Variants in PSD observed in about 807,000 individuals in gnomAD.
PSD encodes the protein pleckstrin and Sec7 domain containing, also known as PH and SEC7 domain-containing protein 1.
A neutral mutation model predicts 91.6 loss-of-function variants in PSD; 32 were observed. That is an observed-to-expected ratio of 0.35 (90% CI 0.26 to 0.47). The LOEUF (loss-of-function observed/expected upper bound fraction) is 0.47. PSD is among the 20% of genes least tolerant of loss of function. The pLI, the probability that PSD is intolerant of heterozygous loss-of-function variation, is 1.00. For synonymous variants in PSD, 532 were observed against 569.3 expected (o/e 0.93, Z 0.93); for missense variants, 1,099 against 1,373.9 (o/e 0.80, Z 3.16).
chr10:102,415,768 T>A (rs896826078), intron 3 of PSD, among the ~76,000 whole-genome samples: 5 of 152,204 alleles, frequency 3.3e-5, no homozygotes, highest in Non-Finnish European at 7.3e-5. Context: ...TTCTACTCCA[T>A]GGAATGCCCC....
chr10:102,405,147 C>T lies in PSD; in HGVS notation c.2397+36G>A. ...ATCACCCCACACCCACCAGCCAACT[C>T]AGTCCCAGCCCCAGCCCCCTGGCCT... On this transcript the variant is annotated intron_variant, in intron 13 of 16. Transcript: ENST00000020673. This position sits in a 1 kb window ranked among gnomAD's most constrained non-coding sequence, Gnocchi z 5.4. 1 of 1,610,636 alleles carries T rather than the reference C, an allele frequency of 6.2e-7. No individual in the cohort carries two copies. The highest frequency in any genetic ancestry group is 8.5e-7 in the Non-Finnish European group (1 of 1,179,426).
In PSD at chr10:102,409,019, C is replaced by A; in HGVS notation, c.2092-1753G>T. 1.0e-6 allele frequency: 1 copy of A among 986,906 alleles called. No homozygotes were observed. The highest frequency in any genetic ancestry group is 4.7e-5 in the South Asian group (1 of 21,350). 61.1% of individuals were successfully genotyped at this position (986,906 alleles called of 1,614,324 possible). On this transcript the variant is annotated intron_variant, in intron 10 of 16. Transcript: ENST00000020673. This position sits in a 1 kb window ranked among gnomAD's most constrained non-coding sequence, Gnocchi z 5.7. ...GGTCTCCGCGCCGCGGTGGGTGCGCCCGTAGCGCACGGAGCACAGCGAGCG... is the reference window on the plus strand; with the variant it reads ...GGTCTCCGCGCCGCGGTGGGTGCGCACGTAGCGCACGGAGCACAGCGAGCG...
At position 102,414,229 on chromosome 10, in the gene PSD, G is replaced by A. The variant is rs1380027150; in HGVS notation, c.1125-32C>T. 6.4e-7 allele frequency: 1 copy of A among 1,558,086 alleles called. No individual in the cohort carries two copies. The highest frequency in any genetic ancestry group is 8.7e-7 in the Non-Finnish European group (1 of 1,146,698). ...GGGCAGGGAGAATCTCTGATTAGGGGCCCAGATCACAGGGCTGGGGCAGGA... is the reference window on the plus strand; with the variant it reads ...GGGCAGGGAGAATCTCTGATTAGGGACCCAGATCACAGGGCTGGGGCAGGA... On this transcript the variant is annotated intron_variant, in intron 4 of 16. Coordinates refer to ENST00000020673, the MANE Select transcript of PSD (RefSeq NM_002779.5). The surrounding 1 kb of genome is among the most constrained non-coding windows in gnomAD (Gnocchi z 5.6).
In PSD at chr10:102,414,679, C is replaced by T. The variant is rs1428705699; in HGVS notation, c.1124+184G>A. ...GCTAGAACCCCTGGCCTCTTTGCTC[C>T]CCACATCCCCAGTGTTCTGCCAAGC... On this transcript the variant is annotated intron_variant, in intron 4 of 16. Coordinates refer to ENST00000020673, the MANE Select transcript of PSD (RefSeq NM_002779.5). The surrounding 1 kb of genome is among the most constrained non-coding windows in gnomAD (Gnocchi z 5.6). Among the ~76,000 whole-genome samples the T allele has an allele frequency of 2.0e-5, 3 of 152,190 alleles. No homozygotes were observed. The highest frequency in any genetic ancestry group is 1.9e-4 in the East Asian group (1 of 5,196).
intron 7 of PSD, 29 bp from the exon 8 acceptor site, chr10:102,411,848 A>AG: frequency 6.6e-7 from 1 of 1,512,300 alleles, no homozygotes; most frequent in Non-Finnish European, 9.1e-7. Flanking sequence ...AGGGTTGCCT[A>AG]GCAACCAGGA....
At chr10:102,408,983 C>A in intron 10 of PSD, 1 of 987,412 alleles carries the variant, frequency 1.0e-6, no homozygotes, top group East Asian at 1.1e-4. Flanking sequence ...CTGCGGCCAG[C>A]CGTAGCACAG....
At chr10:102,419,105 C>T (rs2061524348), upstream of PSD, 5 of 286,336 alleles carry the variant, frequency 1.7e-5, no homozygotes, top group South Asian at 1.2e-4. The surrounding 1 kb of genome is among the most constrained non-coding windows in gnomAD (Gnocchi z 4.8). Context: ...CTCCAGACCC[C>T]ACGCGTGTCC....
chr10:102,405,596 C>G lies in PSD; in HGVS notation c.2136-60G>C. 1 of 1,502,064 alleles carries G rather than the reference C, an allele frequency of 6.7e-7. No individual in the cohort carries two copies. The highest frequency in any genetic ancestry group is 2.0e-5 in the Admixed American group (1 of 50,758). The allele number at this position is 1,502,064 out of a possible 1,614,324, so 93.0% of individuals were successfully genotyped here. A position where few individuals can be genotyped will look rare whatever the true frequency, so the allele number is the denominator to read the frequency against. ...TGGAGCCGCGGCCCCCGCTTCAGTT[C>G]TGGCCTCTGCTCGCCCTGGAAAAGC... On this transcript the variant is annotated intron_variant, in intron 11 of 16. Coordinates refer to ENST00000020673, the MANE Select transcript of PSD (RefSeq NM_002779.5). This position sits in a 1 kb window ranked among gnomAD's most constrained non-coding sequence, Gnocchi z 5.4.
rs1490954688 is a variant in PSD, at chr10:102,410,219, C to T, written c.2091+639G>A. On this transcript the variant is annotated intron_variant, in intron 10 of 16. Transcript: ENST00000020673. The surrounding 1 kb of genome is among the most constrained non-coding windows in gnomAD (Gnocchi z 6.0). ...CAGATCAGGGAGAGGAGTGAACCCA[C>T]TGGATGAGCCACTCCCTTCTCCTAC... 6.6e-6 allele frequency among the ~76,000 whole-genome samples: 1 copy of T among 152,206 alleles called. No homozygotes were observed. The highest frequency in any genetic ancestry group is 1.5e-5 in the Non-Finnish European group (1 of 68,040).
chr10:102,412,713 G>A, intron 5 of PSD, 138 bp from the exon 6 acceptor site: 3 of 741,778 alleles, frequency 4.0e-6, no homozygotes, highest in Non-Finnish European at 6.4e-6. Context: ...CTTTTTTCCA[G>A]GGAAGGAGAT....
Position 102,407,969 on chromosome 10 carries a change from G to A in PSD, c.2092-703C>T, listed in dbSNP as rs566598790. Among the ~76,000 whole-genome samples the A allele has an allele frequency of 4.6e-5, 7 of 152,314 alleles. No individual in the cohort carries two copies. In the South Asian group the frequency reaches 1.0e-3, roughly 23 times the overall value. On this transcript the variant is annotated intron_variant, in intron 10 of 16. Transcript: ENST00000020673. The stretch of plus-strand genomic sequence containing the variant: ...TCCCTGCATAGCCCAAACTCTGTGC[G>A]ATGTGAACCAGCCACTTCCCCTCTG...
rs1320493265 is a variant in PSD, at chr10:102,414,217, C to T, written c.1125-20G>A. 6.3e-7 allele frequency: 1 copy of T among 1,583,780 alleles called. No homozygotes were observed. Among genetic ancestry groups the T allele is most frequent in the South Asian group, 1.1e-5 (1 of 87,940 alleles). On this transcript the variant is annotated intron_variant, in intron 4 of 16. Coordinates refer to ENST00000020673, the MANE Select transcript of PSD (RefSeq NM_002779.5). The surrounding 1 kb of genome is among the most constrained non-coding windows in gnomAD (Gnocchi z 5.6). The stretch of plus-strand genomic sequence containing the variant: ...CCTGGCCTGCAGGGGCAGGGAGAAT[C>T]TCTGATTAGGGGCCCAGATCACAGG...
In PSD at chr10:102,409,957, A is replaced by T. The variant is rs1466982608; in HGVS notation, c.2091+901T>A. Among the ~76,000 whole-genome samples, 1 of 151,756 alleles carries T rather than the reference A, an allele frequency of 6.6e-6. No homozygotes were observed. The highest frequency in any genetic ancestry group is 2.1e-4 in the South Asian group (1 of 4,808). ...AGCACAAACACACCAAGCCATACAA[A>T]CCCTTGATTCACGACGCCCGGGCAC... On this transcript the variant is annotated intron_variant, in intron 10 of 16. Transcript: ENST00000020673. This position sits in a 1 kb window ranked among gnomAD's most constrained non-coding sequence, Gnocchi z 5.7.
chr10:102,416,964 C>T lies in PSD; in HGVS notation c.75G>A (p.Trp25Ter). 6.2e-7 allele frequency: 1 copy of T among 1,601,618 alleles called. No individual in the cohort carries two copies. The highest frequency in any genetic ancestry group is 8.5e-7 in the Non-Finnish European group (1 of 1,179,376). ...TCTGGGGCACCGGGCCTTCGGGGAG[C>T]CAGCGGCGTGGGCATCGTGGTGGGG... ...AISPPRCPRR[W>*]LPEGPVPQSP... Residue 25 changes from tryptophan to a stop codon, truncating the protein, a stop_gained, in exon 2 of 17, where the codon TGG (tryptophan) becomes TGA (stop). Transcript: ENST00000020673. LOFTEE classifies it high-confidence loss of function. This position sits in a 1 kb window ranked among gnomAD's most constrained non-coding sequence, Gnocchi z 6.0.
Position 102,403,058 on chromosome 10 carries a change from G to A in PSD, c.*142C>T. On this transcript the variant is annotated 3_prime_UTR_variant, in exon 17 of 17. Coordinates refer to ENST00000020673, the MANE Select transcript of PSD (RefSeq NM_002779.5). The surrounding 1 kb of genome is among the most constrained non-coding windows in gnomAD (Gnocchi z 6.7). ...CTCCTGAGGCCCAGGCCCCAGCCCT[G>A]CCCTGCCCCGGACACCGCGTCCGGC... The A allele has an allele frequency of 2.0e-6, 1 of 494,358 alleles. No individual in the cohort carries two copies. The highest frequency in any genetic ancestry group is 3.2e-6 in the Non-Finnish European group (1 of 310,478). The allele number at this position is 494,358 out of a possible 1,614,324, so 30.6% of individuals were successfully genotyped here.
intron 11 of PSD, among the ~76,000 whole-genome samples, chr10:102,406,503 T>G (rs2061362166): frequency 6.7e-6 from 1 of 149,820 alleles, no homozygotes; most frequent in Admixed American, 6.6e-5. Flanking sequence ...CTGTGTTTCT[T>G]TTTTCTTTTT....
Position 102,414,260 on chromosome 10 carries a change from C to T in PSD, c.1125-63G>A. 7.1e-7 allele frequency: 1 copy of T among 1,415,800 alleles called. No individual in the cohort carries two copies. Among genetic ancestry groups the T allele is most frequent in the Non-Finnish European group, 9.7e-7 (1 of 1,032,714 alleles). 87.7% of individuals were successfully genotyped at this position (1,415,800 alleles called of 1,614,324 possible). On this transcript the variant is annotated intron_variant, in intron 4 of 16. Coordinates refer to ENST00000020673, the MANE Select transcript of PSD (RefSeq NM_002779.5). This position sits in a 1 kb window ranked among gnomAD's most constrained non-coding sequence, Gnocchi z 5.6. ...ATCACAGGGCTGGGGCAGGATTTCACTGAACTCTCACACTGACTCTGCTAA... is the reference window on the plus strand; with the variant it reads ...ATCACAGGGCTGGGGCAGGATTTCATTGAACTCTCACACTGACTCTGCTAA...
In PSD at chr10:102,413,999, G is replaced by A. The variant is rs1226939850; in HGVS notation, c.1323C>T (p.Thr441=). The A allele has an allele frequency of 3.1e-6, 5 of 1,613,896 alleles. No homozygotes were observed. The South Asian group carries it at 3.3e-5, about 11-fold the overall frequency. The change falls in exon 5 of 17, where the codon ACC becomes ACT. Residue 441 remains threonine (T), a synonymous_variant. Transcript: ENST00000020673. Reference sequence around the variant, plus strand: ...CAGGGGGTTGGGGAGGCAGCTCAAAGGTGAAGAAGGGGCTCTGGGTTGGGC... The same window carrying A: ...CAGGGGGTTGGGGAGGCAGCTCAAAAGTGAAGAAGGGGCTCTGGGTTGGGC... ...SPGPTQSPFF[T]FELPPQPPAP...
intron 8 of PSD, 58 bp downstream of exon 8, chr10:102,411,649 C>A: frequency 1.5e-6 from 2 of 1,321,846 alleles, no homozygotes; most frequent in Non-Finnish European, 2.2e-6. Context: ...CACACAGGGC[C>A]CAGCCCATTT....
Sources: allele counts gnomAD v4.1 joint callset (sites outside exome capture counted in the v4.1 genomes callset), GRCh38; gene constraint gnomAD v4.1.1; non-coding constraint Gnocchi (gnomAD v3.1); transcripts MANE v1.5; gene names NCBI Gene and HGNC (gene_info 2026-07-23, HGNC 2026-07-21).